MICAL2: variants seen among roughly 807,000 people sequenced by gnomAD.
MICAL2 encodes the protein microtubule associated monooxygenase, calponin and LIM domain containing 2.
MICAL2 carries 77 observed loss-of-function variants against 127.3 expected under a neutral mutation model. The observed-to-expected ratio is 0.60, with a 90% confidence interval of 0.50 to 0.73. The LOEUF (loss-of-function observed/expected upper bound fraction) is 0.73, where lower values mean the gene tolerates loss of function less well. MICAL2 is among the 30% of genes least tolerant of loss of function. The pLI, the probability that MICAL2 is intolerant of heterozygous loss-of-function variation, is 0.00. For missense variants in MICAL2, 1,351 were observed against 1,434.4 expected, an observed-to-expected ratio of 0.94 and a Z score of 0.94; for synonymous variants, 570 against 551.1, an observed-to-expected ratio of 1.03 and a Z score of -0.48.
intron 32 of MICAL2, among the ~76,000 whole-genome samples, chr11:12,336,154 G>T (rs1938752997): frequency 6.6e-6 from 1 of 152,132 alleles, no homozygotes; most frequent in South Asian, 2.1e-4. Context: ...AGTTCTCCTT[G>T]AAGAGGCCCT....
At chr11:12,189,965 G>A (rs1320238047) in intron 3 of MICAL2, among the ~76,000 whole-genome samples, 2 of 152,256 alleles carry the variant, frequency 1.3e-5, no homozygotes, top group African/African-American at 2.4e-5. Flanking sequence ...GGGCAGTCGG[G>A]ATGGTGTAGG....
intron 2 of MICAL2, among the ~76,000 whole-genome samples, chr11:12,150,685 G>T (rs1853477097): frequency 6.6e-6 from 1 of 152,108 alleles, no homozygotes; most frequent in Non-Finnish European, 1.5e-5. Flanking sequence ...CTGGCATCAA[G>T]TCCCAAAGGC....
chr11:12,293,699 T>G, downstream of MICAL2: 1 of 1,612,808 alleles, frequency 6.2e-7, no homozygotes, highest in Non-Finnish European at 8.5e-7. Context: ...AAAGCCAGAG[T>G]GGGCAGAGTA....
Position 12,222,631 on chromosome 11 carries a change from G to T in MICAL2, c.1337G>T (p.Arg446Leu), listed in dbSNP as rs145852364. The change falls in exon 11 of 28, where the codon CGG (arginine) becomes CTG (leucine). Residue 446 changes from arginine to leucine, a missense_variant. Coordinates refer to ENST00000683283, the MANE Select transcript of MICAL2 (RefSeq NM_001282663.2). ...CCTCCCTCCAGGGAAAGTCTCTACC[G>T]GCTGTTACCTCAGACAACCCCGGAG... is the stretch of plus-strand genomic sequence containing the variant. The part of the protein sequence containing the change: ...ELLAERESLY[R>L]LLPQTTPENI... The T allele has an allele frequency of 7.4e-6, 12 of 1,614,084 alleles. No individual in the cohort carries two copies. Among genetic ancestry groups the T allele is most frequent in the African/African-American group, 5.3e-5 (4 of 74,930 alleles).
chr11:12,350,494 CATTT>C (rs1467364409), intron 33 of MICAL2, among the ~76,000 whole-genome samples: 1 of 152,162 alleles, frequency 6.6e-6, no homozygotes, highest in Non-Finnish European at 1.5e-5. Context: ...AAAAAAGTAA[CATTT>C]AGTATCAATT....
intron 6 of MICAL2, among the ~76,000 whole-genome samples, chr11:12,212,632 G>T (rs1855628040): frequency 6.6e-6 from 1 of 151,780 alleles, no homozygotes; most frequent in Non-Finnish European, 1.5e-5. Context: ...AGTAAGCTGG[G>T]TCCCACCCTA....
intron 33 of MICAL2, among the ~76,000 whole-genome samples, chr11:12,352,291 G>T (rs1939063442): frequency 6.6e-6 from 1 of 152,220 alleles, no homozygotes; most frequent in Non-Finnish European, 1.5e-5. Flanking sequence ...CAGGGACTAT[G>T]CTGGGTTCTG....
intron 9 of MICAL2, 88 bp downstream of exon 9, chr11:12,220,546 C>G: frequency 3.3e-6 from 5 of 1,508,746 alleles, no homozygotes; most frequent in Non-Finnish European, 4.4e-6. Context: ...TGTTGTGCAG[C>G]GGGGAGAGGA....
At chr11:12,136,764 C>A (rs1011682732) in intron 1 of MICAL2, among the ~76,000 whole-genome samples, 2 of 152,112 alleles carry the variant, frequency 1.3e-5, no homozygotes, top group Non-Finnish European at 2.9e-5. Flanking sequence ...ACAGTGTGCC[C>A]AGGCCTCTGT....
At chr11:12,189,582 C>T (rs989062139) in intron 3 of MICAL2, among the ~76,000 whole-genome samples, 4 of 152,208 alleles carry the variant, frequency 2.6e-5, no homozygotes, top group Non-Finnish European at 4.4e-5. Flanking sequence ...CCCTAACCTA[C>T]CTTATCTCAC....
At chr11:12,200,552 C>T (rs1860575571) in intron 3 of MICAL2, among the ~76,000 whole-genome samples, 1 of 152,202 alleles carries the variant, frequency 6.6e-6, no homozygotes, top group South Asian at 2.1e-4. Context: ...CTGACTTGGC[C>T]CCTGCCAACA....
At chr11:12,195,285 C>T (rs1590287862) in intron 3 of MICAL2, among the ~76,000 whole-genome samples, 1 of 152,132 alleles carries the variant, frequency 6.6e-6, no homozygotes, top group Non-Finnish European at 1.5e-5. Flanking sequence ...AAAACAAAAC[C>T]TTGAGCAAAT....
At chr11:12,196,423 C>T (rs2134064136) in intron 3 of MICAL2, among the ~76,000 whole-genome samples, 1 of 152,174 alleles carries the variant, frequency 6.6e-6, no homozygotes, top group South Asian at 2.1e-4. Context: ...GGTTGAGCAC[C>T]ATCAACATGT....
intron 3 of MICAL2, among the ~76,000 whole-genome samples, chr11:12,173,208 T>G (rs1451915160): frequency 2.6e-5 from 4 of 152,218 alleles, no homozygotes; most frequent in Non-Finnish European, 4.4e-5. Context: ...GCTATCGGTC[T>G]TACAGTCTTA....
chr11:12,261,260 C>A (rs1463906903), intron 26 of MICAL2: 1 of 985,476 alleles, frequency 1.0e-6, no homozygotes, highest in Non-Finnish European at 1.2e-6. Context: ...AAACAGAAAC[C>A]AATTTCACAC....
downstream of MICAL2, among the ~76,000 whole-genome samples, chr11:12,287,559 C>T (rs1565293983): frequency 2.0e-5 from 3 of 152,126 alleles, no homozygotes; most frequent in African/African-American, 4.8e-5. Context: ...TTAACGGCCT[C>T]ACACAAAACA....
At chr11:12,246,476 A>G (rs1860757062) in intron 21 of MICAL2, among the ~76,000 whole-genome samples, 1 of 152,252 alleles carries the variant, frequency 6.6e-6, no homozygotes, top group Non-Finnish European at 1.5e-5. Context: ...GGGGCCCTTC[A>G]CTGGGCTGGG....
At chr11:12,192,704 G>A (rs1859360395) in intron 3 of MICAL2, among the ~76,000 whole-genome samples, 1 of 152,172 alleles carries the variant, frequency 6.6e-6, no homozygotes, top group African/African-American at 2.4e-5. Flanking sequence ...CTTGAACCCA[G>A]GAGGCGGAGG....
chr11:12,282,101 G>A (rs1863778726), intron 2 of MICAL2, among the ~76,000 whole-genome samples: 1 of 152,188 alleles, frequency 6.6e-6, no homozygotes, highest in African/African-American at 2.4e-5. Context: ...CCAGGAAGAC[G>A]AGGGCTGGGG....
Sources: gnomAD v4.1 joint callset for allele counts (sites outside exome capture counted in the v4.1 genomes callset) on GRCh38, gnomAD v4.1.1 for gene constraint, MANE v1.5 for transcripts, NCBI Gene and HGNC (gene_info 2026-07-23, HGNC 2026-07-21) for gene names.